The following PMP22 variants were observed in gnomAD, a reference collection of about 807,000 sequenced individuals.
PMP22 encodes the protein Charcot-Marie-Tooth neuropathy 1A (greatly reduced nerve conduction velocity, hereditary motor sensory neuropathy Ia).
In PMP22, 2 loss-of-function variants were observed where a neutral mutation model predicts 18.9. The observed-to-expected ratio is 0.11, with a 90% confidence interval of 0.04 to 0.33. The LOEUF is 0.33. PMP22 is among the 10% of genes least tolerant of loss of function. PMP22 has a pLI of 1.00. For synonymous variants in PMP22, 95 were observed against 89.2 expected (o/e 1.07, Z -0.37); for missense variants, 169 against 202.2 (o/e 0.84, Z 1.00).
At chr17:15,240,501 C>T (rs1907232360) in intron 3 of PMP22, among the ~76,000 whole-genome samples, 1 of 148,868 alleles carries the variant, frequency 6.7e-6, no homozygotes, top group South Asian at 2.1e-4. Context: ...GGGATGAAGG[C>T]TTACACTTCC....
chr17:15,237,556 A>T (rs1029032142), intron 4 of PMP22, among the ~76,000 whole-genome samples: 2 of 152,240 alleles, frequency 1.3e-5, no homozygotes, highest in Non-Finnish European at 2.9e-5. Flanking sequence ...ATCAGTTCCA[A>T]TAAAAGATAA....
At chr17:15,253,852 C>A (rs1465109489) in intron 3 of PMP22, among the ~76,000 whole-genome samples, 1 of 152,180 alleles carries the variant, frequency 6.6e-6, no homozygotes, top group Non-Finnish European at 1.5e-5. Flanking sequence ...ATTACCCTGT[C>A]TTATATAGTT....
At chr17:15,235,289 C>T (rs1168769682) in intron 4 of PMP22, 9 of 717,358 alleles carry the variant, frequency 1.3e-5, no homozygotes, top group South Asian at 7.4e-5. Flanking sequence ...TTGATTCTGC[C>T]GAGGAAACAC....
chr17:15,232,914 A>G (rs1168584402), intron 4 of PMP22, among the ~76,000 whole-genome samples: 1 of 152,246 alleles, frequency 6.6e-6, no homozygotes, highest in Non-Finnish European at 1.5e-5. Flanking sequence ...TCAGAAGTGA[A>G]TGACTCTAAG....
intron 3 of PMP22, among the ~76,000 whole-genome samples, chr17:15,249,959 A>G (rs1789240119): frequency 6.6e-6 from 1 of 152,204 alleles, no homozygotes; most frequent in Non-Finnish European, 1.5e-5. Flanking sequence ...TCTGTCGCTC[A>G]GGCTGGCGTG....
intron 3 of PMP22, among the ~76,000 whole-genome samples, chr17:15,248,166 T>A (rs1264001200): frequency 6.6e-6 from 1 of 152,222 alleles, no homozygotes; most frequent in Non-Finnish European, 1.5e-5. Flanking sequence ...AGCTGGTGGC[T>A]TTGAAATGGG....
intron 1 of PMP22, among the ~76,000 whole-genome samples, chr17:15,262,080 G>T (rs1037212160): frequency 6.6e-6 from 1 of 152,220 alleles, no homozygotes; most frequent in Non-Finnish European, 1.5e-5. Flanking sequence ...GGGAACCACA[G>T]GAGTCCAACA....
intron 3 of PMP22, among the ~76,000 whole-genome samples, chr17:15,245,066 T>C (rs937731309): frequency 5.9e-5 from 9 of 152,054 alleles, no homozygotes; most frequent in Non-Finnish European, 7.4e-5. Context: ...TCCAGTGCCA[T>C]TGATCAAAAG....
intron 4 of PMP22, among the ~76,000 whole-genome samples, chr17:15,236,612 TGTTAA>T (rs1307207309): frequency 1.3e-5 from 2 of 150,710 alleles, no homozygotes; most frequent in Non-Finnish European, 3.0e-5. Flanking sequence ...ACTTCCTTGA[TGTTAA>T]GTTGTCACTT....
At chr17:15,248,098 C>T (rs1367606889) in intron 3 of PMP22, among the ~76,000 whole-genome samples, 1 of 152,244 alleles carries the variant, frequency 6.6e-6, no homozygotes, top group African/African-American at 2.4e-5. Flanking sequence ...CGCCCACCAG[C>T]TCAAACATGC....
rs765235223 is a variant in PMP22 at position 15,259,168 on chromosome 17, G to A, written c.104C>T (p.Ala35Val). 2 of 1,613,656 alleles carry A rather than the reference G, an allele frequency of 1.2e-6. No individual in the cohort carries two copies. The highest frequency in any genetic ancestry group is 1.7e-6 in the Non-Finnish European group (2 of 1,179,564). ...VSQWIVGNGH[A>V]TDLWQNCSTS... ...GCTACAGTTCTGCCAGAGATCAGTT[G>A]CGTGTCCATTGCCCACGATCCATTG... Residue 35 changes from alanine to valine, a missense_variant, in exon 3 of 5, where the codon GCA (alanine) becomes GTA (valine). Ala to Val is a moderately conservative substitution (Grantham distance 64). Transcript: ENST00000312280.
intron 4 of PMP22, among the ~76,000 whole-genome samples, chr17:15,236,807 C>A (rs1425807202): frequency 6.6e-6 from 1 of 152,136 alleles, no homozygotes; most frequent in Non-Finnish European, 1.5e-5. Context: ...TCTTTCAGTT[C>A]TCAGAATTAG....
chr17:15,253,796 C>T (rs1908576822), intron 3 of PMP22, among the ~76,000 whole-genome samples: 1 of 152,168 alleles, frequency 6.6e-6, no homozygotes, highest in African/African-American at 2.4e-5. Context: ...CTCCTGGCCA[C>T]TCCTCAAGGA....
At chr17:15,257,740 C>T (rs374856087) in intron 3 of PMP22, among the ~76,000 whole-genome samples, 15 of 152,236 alleles carry the variant, frequency 9.9e-5, no homozygotes, top group African/African-American at 3.4e-4. Context: ...ATGCCTTTCA[C>T]ACACTCAGAG....
At chr17:15,237,196 A>T (rs1906890501) in intron 4 of PMP22, among the ~76,000 whole-genome samples, 1 of 152,244 alleles carries the variant, frequency 6.6e-6, no homozygotes, top group Non-Finnish European at 1.5e-5. Flanking sequence ...CTTAAATCGC[A>T]ATACCTAGGA....
chr17:15,257,371 G>A lies in PMP22; in HGVS notation c.178+1723C>T, dbSNP rs183186384. On this transcript the variant is annotated intron_variant, in intron 3 of 4. Transcript: ENST00000312280. ...GCCGCCTCGTTTCTGCTGAAACTTCGCCGGGTTTTAACACGCCTGCCAAAA... is the reference window on the plus strand; with the variant it reads ...GCCGCCTCGTTTCTGCTGAAACTTCACCGGGTTTTAACACGCCTGCCAAAA... 1.6e-3 allele frequency among the ~76,000 whole-genome samples: 246 copies of A among 152,286 alleles called. 1 individual carries two copies. In the Middle Eastern group the frequency reaches 0.024, roughly 15 times the overall value.
At chr17:15,255,027 G>A (rs1421501352) in intron 3 of PMP22, among the ~76,000 whole-genome samples, 1 of 152,178 alleles carries the variant, frequency 6.6e-6, no homozygotes, top group East Asian at 1.9e-4. Context: ...AGCCTCAACA[G>A]GTCCTAAAGT....
rs1407348347 is a variant in PMP22, at chr17:15,249,669, G to A, written c.178+9425C>T. The stretch of plus-strand genomic sequence containing the variant: ...GAAGAGGCCCTGCTTATGCAGCTGG[G>A]ACCAGCACCAGAGAAGCCACTGAAA... On this transcript the variant is annotated intron_variant, in intron 3 of 4. Coordinates refer to ENST00000312280, the MANE Select transcript of PMP22 (RefSeq NM_000304.4). Among the ~76,000 whole-genome samples the A allele has an allele frequency of 2.6e-5, 4 of 152,176 alleles. No homozygotes were observed. In the East Asian group the frequency reaches 7.7e-4, roughly 29 times the overall value.
intron 4 of PMP22, among the ~76,000 whole-genome samples, chr17:15,236,025 GC>G: frequency 6.6e-6 from 1 of 151,198 alleles, no homozygotes; most frequent in South Asian, 2.1e-4. Flanking sequence ...CTCCCAAAGT[GC>G]TGGGATTACA....
Sources: gnomAD v4.1 joint callset for allele counts (sites outside exome capture counted in the v4.1 genomes callset) on GRCh38, gnomAD v4.1.1 for gene constraint, MANE v1.5 for transcripts, NCBI Gene and HGNC (gene_info 2026-07-23, HGNC 2026-07-21) for gene names.